The following LSAMP variants were observed in gnomAD, a reference collection of about 807,000 sequenced individuals.
LSAMP encodes limbic system-associated membrane protein.
LSAMP carries 7 observed loss-of-function variants against 38.6 expected under a neutral mutation model. That is an observed-to-expected ratio of 0.18 (90% CI 0.10 to 0.34). The LOEUF is 0.34. LSAMP is among the 10% of genes least tolerant of loss of function. LSAMP has a pLI of 1.00. For synonymous variants in LSAMP, 154 were observed against 166.8 expected, an observed-to-expected ratio of 0.92 and a Z score of 0.59; for missense variants, 313 against 420.0, an observed-to-expected ratio of 0.75 and a Z score of 2.23.
intron 3 of LSAMP, among the ~76,000 whole-genome samples, chr3:115,899,934 G>A (rs562536418): frequency 1.3e-4 from 20 of 152,258 alleles, no homozygotes; most frequent in African/African-American, 4.3e-4. Context: ...ATTAGGAATG[G>A]CCTGCTTTCT....
At chr3:116,191,953 A>G (rs1451215039) in intron 1 of LSAMP, among the ~76,000 whole-genome samples, 2 of 152,212 alleles carry the variant, frequency 1.3e-5, no homozygotes, top group Non-Finnish European at 2.9e-5. Flanking sequence ...CTTAGTAGCC[A>G]CAGGCCTTAG....
intron 2 of LSAMP, among the ~76,000 whole-genome samples, chr3:116,074,421 A>T (rs1412162507): frequency 6.6e-6 from 1 of 152,192 alleles, no homozygotes; most frequent in Non-Finnish European, 1.5e-5. Context: ...GACACTTTCC[A>T]TAATTTTTTT....
intron 2 of LSAMP, among the ~76,000 whole-genome samples, chr3:116,043,400 A>C (rs1941216980): frequency 6.6e-6 from 1 of 152,182 alleles, no homozygotes; most frequent in East Asian, 1.9e-4. Flanking sequence ...GGACACAAAA[A>C]GGTTGCTTCT....
At chr3:116,016,863 G>A (rs1940498481) in intron 3 of LSAMP, among the ~76,000 whole-genome samples, 2 of 152,210 alleles carry the variant, frequency 1.3e-5, no homozygotes, top group Non-Finnish European at 2.9e-5. Flanking sequence ...CTTGCAGGCA[G>A]TACATAAATG....
At chr3:116,056,089 G>A (rs1017636854) in intron 2 of LSAMP, among the ~76,000 whole-genome samples, 2 of 151,910 alleles carry the variant, frequency 1.3e-5, no homozygotes, top group African/African-American at 4.8e-5. Context: ...AAAGACATGG[G>A]TTTCAGTCCC....
intron 6 of LSAMP, among the ~76,000 whole-genome samples, chr3:115,813,413 G>T (rs571266005): frequency 6.4e-4 from 98 of 152,204 alleles, no homozygotes; most frequent in Middle Eastern, 3.4e-3. Context: ...TATTATTGAG[G>T]TTTGTGTAAG....
intron 1 of LSAMP, among the ~76,000 whole-genome samples, chr3:116,298,938 A>G (rs1279813340): frequency 6.6e-6 from 1 of 152,214 alleles, no homozygotes; most frequent in Non-Finnish European, 1.5e-5. Context: ...TATTTGCCAA[A>G]CACTTAAGGA....
At chr3:115,918,479 G>A (rs945588460) in intron 3 of LSAMP, among the ~76,000 whole-genome samples, 1 of 152,080 alleles carries the variant, frequency 6.6e-6, no homozygotes, top group Non-Finnish European at 1.5e-5. Context: ...TGGGAGAAGG[G>A]GGCATTTTGT....
intron 6 of LSAMP, among the ~76,000 whole-genome samples, chr3:115,826,305 C>T (rs1370028049): frequency 5.3e-5 from 8 of 151,688 alleles, no homozygotes; most frequent in East Asian, 1.9e-4. Context: ...TTAGTAGAGA[C>T]GGGGTTTCAC....
intron 1 of LSAMP, among the ~76,000 whole-genome samples, chr3:116,103,464 CAAAAAAAAA>C (rs59732794): frequency 2.3e-5 from 1 of 42,830 alleles, no homozygotes; most frequent in African/African-American, 7.1e-5. Flanking sequence ...GACTCCTTCT[CAAAAAAAAA>C]AAAAAAAAAA....
At chr3:116,220,071 C>A (rs184683675) in intron 1 of LSAMP, among the ~76,000 whole-genome samples, 123 of 151,930 alleles carry the variant, frequency 8.1e-4, no homozygotes, top group African/African-American at 2.8e-3. Context: ...CTATTCGGAG[C>A]TACTTGTGAG....
chr3:115,808,156 TCCCCGTCCCCCCCTC>T lies in LSAMP; in HGVS notation c.*2146_*2160del. On this transcript the variant is annotated 3_prime_UTR_variant, in exon 7 of 7. Coordinates refer to ENST00000490035, the MANE Select transcript of LSAMP (RefSeq NM_002338.5). ...TCCCTCCCTCCCTCCCTCCCCCCCTTCCCCGTCCCCCCCTCCCTGCCTTCCTTCCTTCCTTCCTTC... is the reference window on the plus strand; with the variant it reads ...TCCCTCCCTCCCTCCCTCCCCCCCTTCCTGCCTTCCTTCCTTCCTTCCTTC... 7.1e-5 allele frequency: 4 copies of T among 56,126 alleles called. No individual in the cohort carries two copies. The highest frequency in any genetic ancestry group is 3.2e-4 in the African/African-American group (4 of 12,474). The allele number at this position is 56,126 out of a possible 1,614,324, so 3.5% of individuals were successfully genotyped here.
intron 6 of LSAMP, among the ~76,000 whole-genome samples, chr3:115,832,123 T>C (rs1934631453): frequency 1.3e-5 from 2 of 152,122 alleles, no homozygotes; most frequent in African/African-American, 4.8e-5. Context: ...TGATGAGCCA[T>C]GTAGAGTGGG....
chr3:115,999,988 T>C (rs962567964), intron 3 of LSAMP, among the ~76,000 whole-genome samples: 2 of 152,092 alleles, frequency 1.3e-5, no homozygotes, highest in African/African-American at 4.8e-5. Context: ...CAGGGGTATG[T>C]GTGGTGTGTG....
At chr3:115,810,916 T>G (rs902381770) in intron 6 of LSAMP, among the ~76,000 whole-genome samples, 2 of 152,120 alleles carry the variant, frequency 1.3e-5, no homozygotes, top group African/African-American at 2.4e-5. Flanking sequence ...ACTTATTTGC[T>G]AATGGGGAGG....
At chr3:116,181,283 T>C (rs1388441680) in intron 1 of LSAMP, among the ~76,000 whole-genome samples, 2 of 151,898 alleles carry the variant, frequency 1.3e-5, no homozygotes, top group East Asian at 3.9e-4. Flanking sequence ...TTTAGTTGAG[T>C]CATTATGTTT....
At chr3:116,392,618 C>A (rs7652829) in intron 1 of LSAMP, among the ~76,000 whole-genome samples, 23,693 of 152,158 alleles carry the variant, frequency 0.16, 2,143 homozygotes, top group African/African-American at 0.25. Context: ...TGGGTGGAAC[C>A]AGGTGGGTCC....
intron 1 of LSAMP, among the ~76,000 whole-genome samples, chr3:116,129,098 C>A (rs552842090): frequency 6.6e-6 from 1 of 152,034 alleles, no homozygotes; most frequent in Non-Finnish European, 1.5e-5. Flanking sequence ...ATTTATGATA[C>A]CCCTTGAAAA....
intron 1 of LSAMP, among the ~76,000 whole-genome samples, chr3:116,095,474 A>G (rs1708207862): frequency 6.6e-6 from 1 of 152,220 alleles, no homozygotes; most frequent in Non-Finnish European, 1.5e-5. Context: ...AGAGGTTAAG[A>G]GAAGAGTGGA....
Sources: allele counts gnomAD v4.1 joint callset (sites outside exome capture counted in the v4.1 genomes callset), GRCh38; gene constraint gnomAD v4.1.1; transcripts MANE v1.5; gene names NCBI Gene and HGNC (gene_info 2026-07-23, HGNC 2026-07-21).